Variants in SEPTIN3 observed in about 807,000 individuals in gnomAD.
The protein encoded by SEPTIN3 is septin 3, also known as neuronal-specific septin-3.
SEPTIN3 carries 15 observed loss-of-function variants against 45.1 expected under a neutral mutation model. The observed-to-expected ratio is 0.33, with a 90% CI of 0.22 to 0.51. SEPTIN3 has a LOEUF of 0.51. Ranked by LOEUF, SEPTIN3 falls within the 20% of genes least tolerant of loss-of-function variation. The pLI, the probability that SEPTIN3 is intolerant of heterozygous loss-of-function variation, is 0.97. For missense variants in SEPTIN3, 289 were observed against 457.2 expected (o/e 0.63, Z 3.35); for synonymous variants, 148 against 164.8 (o/e 0.90, Z 0.78).
In SEPTIN3 at chr22:41,997,210, G is replaced by A; in HGVS notation, c.*243G>A. On this transcript the variant is annotated 3_prime_UTR_variant, in exon 12 of 12. Transcript: ENST00000644076. Reference sequence around the variant, plus strand: ...CCTACTGCATCATCTGCGTCAGCCGGTCCTAGCCCATCTGCAGGGTGAAAG... The same window carrying A: ...CCTACTGCATCATCTGCGTCAGCCGATCCTAGCCCATCTGCAGGGTGAAAG... The A allele has an allele frequency of 1.5e-6, 1 of 649,986 alleles. No individual in the cohort carries two copies. Among genetic ancestry groups the A allele is most frequent in the Non-Finnish European group, 2.5e-6 (1 of 401,772 alleles). 40.3% of individuals were successfully genotyped at this position (649,986 alleles called of 1,614,324 possible).
At chr22:41,973,083 T>C in intron 2 of SEPTIN3, 87 bp downstream of exon 2, 1 of 397,624 alleles carries the variant, frequency 2.5e-6, no homozygotes, top group Non-Finnish European at 4.4e-6. Flanking sequence ...CTTGCATGGG[T>C]TGAGAAACGG....
Position 41,987,658 on chromosome 22 carries a change from C to T in SEPTIN3, c.1944C>T (p.Tyr648=), listed in dbSNP as rs143633264. The change falls in exon 6 of 12, where the codon TAC becomes TAT. Residue 648 remains tyrosine, a synonymous_variant. Coordinates refer to ENST00000644076, the MANE Select transcript of SEPTIN3 (RefSeq NM_001363845.2). ...TTGAGAAGTACATCAATGAGCAGTACGAGAAGTTCCTGAAGGAGGAGGTCA... is the reference window on the plus strand; with the variant it reads ...TTGAGAAGTACATCAATGAGCAGTATGAGAAGTTCCTGAAGGAGGAGGTCA... ...EPIEKYINEQ[Y]EKFLKEEVNI... 1.9e-5 allele frequency: 30 copies of T among 1,613,854 alleles called. No individual in the cohort carries two copies. Among genetic ancestry groups the T allele is most frequent in the Middle Eastern group, 1.6e-4 (1 of 6,082 alleles).
In SEPTIN3 at chr22:41,972,581, C is replaced by T; in HGVS notation, c.1089C>T (p.Ala363=). Reference sequence around the variant, plus strand: ...CAGAACCAGACAAGCTGGGCAAAGCCATGGCTACAAGAAGCACAGCCAAAC... The same window carrying T: ...CAGAACCAGACAAGCTGGGCAAAGCTATGGCTACAAGAAGCACAGCCAAAC... The part of the protein sequence containing the change: ...IASEPDKLGK[A]MATRSTAKPD... The change falls in exon 2 of 12, where the codon GCC becomes GCT. Residue 363 remains alanine (A), a synonymous_variant. Transcript: ENST00000644076. The T allele has an allele frequency of 2.5e-6, 1 of 399,156 alleles. No homozygotes were observed. The highest frequency in any genetic ancestry group is 4.4e-5 in the Admixed American group (1 of 22,744). The allele number at this position is 399,156 out of a possible 1,614,324, so 24.7% of individuals were successfully genotyped here. A position where few individuals can be genotyped will look rare whatever the true frequency, so the allele number is the denominator to read the frequency against.
intron 3 of SEPTIN3, among the ~76,000 whole-genome samples, chr22:41,983,081 T>A (rs2078148089): frequency 6.6e-6 from 1 of 152,164 alleles, no homozygotes; most frequent in Admixed American, 6.5e-5. Context: ...ACTTCTCTCC[T>A]CTCTCTTGCT....
At chr22:41,993,708 G>A (rs2078365863) in intron 9 of SEPTIN3, among the ~76,000 whole-genome samples, 1 of 152,018 alleles carries the variant, frequency 6.6e-6, no homozygotes, top group African/African-American at 2.4e-5. Context: ...TACCCAGGCT[G>A]ATCTCAAACT....
intron 1 of SEPTIN3, among the ~76,000 whole-genome samples, chr22:41,969,896 T>G (rs1602407069): frequency 2.0e-5 from 3 of 152,118 alleles, no homozygotes; most frequent in East Asian, 3.9e-4. Flanking sequence ...GGTAAACGTG[T>G]GTGCCCAAGT....
chr22:41,981,987 C>A, intron 3 of SEPTIN3, 151 bp downstream of exon 3: 1 of 719,550 alleles, frequency 1.4e-6, no homozygotes, highest in Non-Finnish European at 2.3e-6. Flanking sequence ...AAGGCCTGAC[C>A]CCTGTCTCCC....
rs759520469 is a variant in SEPTIN3, at chr22:41,987,739, C to T, written c.2025C>T (p.Phe675=). ...CTCGTGTCCACTGCTGCCTTTACTT[C>T]ATCTCTCCCACAGGACACTCGTATG... ...PDTRVHCCLY[F]ISPTGHSLRP... The change falls in exon 6 of 12, where the codon TTC becomes TTT. Residue 675 remains phenylalanine (F), a synonymous_variant. Coordinates refer to ENST00000644076, the MANE Select transcript of SEPTIN3 (RefSeq NM_001363845.2). 1.2e-6 allele frequency: 2 copies of T among 1,613,962 alleles called. No individual in the cohort carries two copies. The highest frequency in any genetic ancestry group is 2.2e-5 in the East Asian group (1 of 44,884).
intron 3 of SEPTIN3, among the ~76,000 whole-genome samples, chr22:41,984,845 C>CTTTTT (rs11380985): frequency 3.3e-4 from 33 of 100,680 alleles, no homozygotes; most frequent in East Asian, 4.7e-4. Flanking sequence ...GTGGTTTTCC[C>CTTTTT]TTTTTTTTTT....
Position 41,972,863 on chromosome 22 carries a change from C to T in SEPTIN3, c.1371C>T (p.Asn457=), listed in dbSNP as rs2077973125. Residue 457 remains asparagine, a synonymous_variant, in exon 2 of 12, where the codon AAC becomes AAT. Coordinates refer to ENST00000644076, the MANE Select transcript of SEPTIN3 (RefSeq NM_001363845.2). ...TGKTTLGSVN[N]LTISDVATCL... is the part of the protein sequence containing the mutation. ...AGACCACACTGGGCAGTGTTAATAA[C>T]CTAACCATATCAGACGTTGCTACAT... The T allele has an allele frequency of 2.5e-6, 1 of 399,166 alleles. No homozygotes were observed. The highest frequency in any genetic ancestry group is 4.4e-6 in the Non-Finnish European group (1 of 226,228). 24.7% of individuals were successfully genotyped at this position (399,166 alleles called of 1,614,324 possible).
intron 4 of SEPTIN3, 65 bp from the exon 5 acceptor site, chr22:41,987,141 G>A: frequency 1.5e-6 from 2 of 1,323,340 alleles, no homozygotes; most frequent in Admixed American, 2.2e-5. Context: ...TGGCTAGTAG[G>A]CTGCCAGGTA....
intron 3 of SEPTIN3, among the ~76,000 whole-genome samples, chr22:41,982,466 C>G (rs1481066199): frequency 6.6e-6 from 1 of 152,110 alleles, no homozygotes; most frequent in Non-Finnish European, 1.5e-5. Context: ...TGAGATCACG[C>G]CATTGCACTC....
Position 41,987,240 on chromosome 22 carries a change from C to G in SEPTIN3, c.1860C>G (p.Thr620=). Residue 620 remains threonine (T), a synonymous_variant, in exon 5 of 12, where the codon ACC becomes ACG. Transcript: ENST00000644076. ...IEEGGVKMKL[T]VIDTPGFGDQ... is the part of the protein sequence containing the mutation. Reference sequence around the variant, plus strand: ...AAGGCGGTGTCAAAATGAAGCTGACCGTCATCGACACCCCAGGCTTTGGAG... The same window carrying G: ...AAGGCGGTGTCAAAATGAAGCTGACGGTCATCGACACCCCAGGCTTTGGAG... 1 of 1,613,638 alleles carries G rather than the reference C, an allele frequency of 6.2e-7. No individual in the cohort carries two copies. Among genetic ancestry groups the G allele is most frequent in the Non-Finnish European group, 8.5e-7 (1 of 1,179,814 alleles).
intron 8 of SEPTIN3, 124 bp downstream of exon 8, chr22:41,991,792 C>T: frequency 2.7e-6 from 2 of 729,674 alleles, no homozygotes; most frequent in Non-Finnish European, 5.0e-6. Context: ...TGACCCAGAC[C>T]AGAAGTGACA....
chr22:41,979,549 A>G (rs1246390219), intron 2 of SEPTIN3, among the ~76,000 whole-genome samples: 1 of 152,186 alleles, frequency 6.6e-6, no homozygotes, highest in African/African-American at 2.4e-5. Flanking sequence ...GGGGCCTGTG[A>G]GCCACGTGCA....
intron 11 of SEPTIN3, chr22:41,996,432 C>G (rs2078439164): frequency 1.0e-6 from 1 of 987,002 alleles, no homozygotes; most frequent in African/African-American, 1.7e-5. Flanking sequence ...TGAATCCCAG[C>G]ACTTATAATC....
At chr22:41,992,870 T>C in intron 9 of SEPTIN3, 107 bp downstream of exon 9, 2 of 763,212 alleles carry the variant, frequency 2.6e-6, no homozygotes, top group Non-Finnish European at 4.5e-6. Flanking sequence ...ATGAAATGAA[T>C]GCCAGCCAGA....
intron 2 of SEPTIN3, among the ~76,000 whole-genome samples, chr22:41,978,554 T>C (rs1435683516): frequency 6.6e-6 from 1 of 151,364 alleles, no homozygotes; most frequent in African/African-American, 2.4e-5. Flanking sequence ...ACCAGGGGAG[T>C]TGTAGGGACA....
At chr22:41,987,828 G>A (rs935747754) in intron 6 of SEPTIN3, 69 bp downstream of exon 6, 3 of 1,533,764 alleles carry the variant, frequency 2.0e-6, no homozygotes, top group Non-Finnish European at 2.7e-6. Flanking sequence ...ATCTGGATTG[G>A]ATGATCCATA....
Sources: allele counts gnomAD v4.1 joint callset (sites outside exome capture counted in the v4.1 genomes callset), GRCh38; gene constraint gnomAD v4.1.1; transcripts MANE v1.5; gene names NCBI Gene and HGNC (gene_info 2026-07-23, HGNC 2026-07-21).